PLXNB1: variants seen among roughly 807,000 people sequenced by gnomAD.
PLXNB1 encodes the protein plexin B1.
Under a neutral mutation model 209.4 loss-of-function variants are expected in PLXNB1, and 106 were observed. That is an observed-to-expected ratio of 0.51 (90% CI 0.43 to 0.59). The LOEUF (loss-of-function observed/expected upper bound fraction) is 0.59, where lower values mean the gene tolerates loss of function less well. PLXNB1 is among the 20% of genes least tolerant of loss of function. PLXNB1 has a pLI of 0.00. For synonymous variants in PLXNB1, 1,167 were observed against 1,183.2 expected (o/e 0.99, Z 0.28); for missense variants, 2,357 against 2,853.2 (o/e 0.83, Z 3.96).
chr3:48,406,789 T>C lies in PLXNB1; in HGVS notation c.6228+34A>G, dbSNP rs778699581. ...GGAAGGACCGTTGTGGCAGGAGGCC[T>C]ATGCCCAACCCAAGAAGCAGAGGGA... On this transcript the variant is annotated intron_variant, in intron 36 of 37. Transcript: ENST00000296440. This position sits in a 1 kb window ranked among gnomAD's most constrained non-coding sequence, Gnocchi z 4.4. The C allele has an allele frequency of 4.8e-5, 74 of 1,556,970 alleles. 1 individual carries two copies. The highest frequency in any genetic ancestry group is 6.0e-5 in the Non-Finnish European group (69 of 1,152,392).
chr3:48,412,661 G>T (rs763861179), intron 25 of PLXNB1, 41 bp from the exon 26 acceptor site: 6 of 1,607,314 alleles, frequency 3.7e-6, no homozygotes, highest in Non-Finnish European at 5.1e-6. Context: ...GGTTTAGGGG[G>T]ACAGAGGGGC....
Position 48,405,117 on chromosome 3 carries a change from C to T in PLXNB1, c.6304-527G>A, listed in dbSNP as rs562746766. 8.5e-5 allele frequency among the ~76,000 whole-genome samples: 13 copies of T among 152,322 alleles called. No homozygotes were observed. The South Asian group carries it at 1.9e-3, about 22-fold the overall frequency. On this transcript the variant is annotated intron_variant, in intron 37 of 37. Coordinates refer to ENST00000296440, the MANE Select transcript of PLXNB1 (RefSeq NM_001130082.3). The surrounding 1 kb of genome is among the most constrained non-coding windows in gnomAD (Gnocchi z 5.0). The stretch of plus-strand genomic sequence containing the variant: ...ATCACACCCTGCCTCCCCCAAGCCC[C>T]GTGCCATGGCCCACACCATGCCGAG...
chr3:48,429,017 C>G lies in PLXNB1; in HGVS notation c.-60+991G>C, dbSNP rs1049959355. 2.0e-5 allele frequency among the ~76,000 whole-genome samples: 3 copies of G among 152,190 alleles called. No homozygotes were observed. The highest frequency in any genetic ancestry group is 4.4e-5 in the Non-Finnish European group (3 of 68,010). ...GGGGAAGGGGCCGGCCGGTCCCCGG[C>G]GGCGACGGCGAGGAGGGGGCGCGGA... On this transcript the variant is annotated intron_variant, in intron 1 of 37. Coordinates refer to ENST00000296440, the MANE Select transcript of PLXNB1 (RefSeq NM_001130082.3). This position sits in a 1 kb window ranked among gnomAD's most constrained non-coding sequence, Gnocchi z 6.4.
At position 48,415,010 on chromosome 3, in the gene PLXNB1, T is replaced by C; in HGVS notation, c.3998A>G (p.Gln1333Arg). 1 of 1,613,438 alleles carries C rather than the reference T, an allele frequency of 6.2e-7. No individual in the cohort carries two copies. Among genetic ancestry groups the C allele is most frequent in the Non-Finnish European group, 8.5e-7 (1 of 1,179,980 alleles). ...FEEPCHVNSS[Q>R]LITCRTPALP... ...GGCAGGTGTGCGGCACGTGATGAGC[T>C]GGGAGGAGTTGACATGGCACGGCTC... The change falls in exon 21 of 38, where the codon CAG becomes CGG. Residue 1333 changes from glutamine (Q) to arginine (R), a missense_variant. Coordinates refer to ENST00000296440, the MANE Select transcript of PLXNB1 (RefSeq NM_001130082.3). This position sits in a 1 kb window ranked among gnomAD's most constrained non-coding sequence, Gnocchi z 5.0.
chr3:48,424,758 A>C, intron 2 of PLXNB1, 141 bp from the exon 3 acceptor site: 1 of 821,346 alleles, frequency 1.2e-6, no homozygotes, highest in South Asian at 1.8e-5. Context: ...CAGGCTTCTT[A>C]GATAGGCACT....
rs1198721889 is a variant in PLXNB1, at chr3:48,429,129, C to G, written c.-60+879G>C. 2.0e-5 allele frequency: 3 copies of G among 152,260 alleles called. No homozygotes were observed. The highest frequency in any genetic ancestry group is 7.2e-5 in the African/African-American group (3 of 41,474). 9.4% of individuals were successfully genotyped at this position (152,260 alleles called of 1,614,324 possible). ...TTCGCGCGGAGAAGTGTGGTCCCAA[C>G]TCTCAAAACCAAAGCCGCCCACCAC... On this transcript the variant is annotated intron_variant, in intron 1 of 37. Coordinates refer to ENST00000296440, the MANE Select transcript of PLXNB1 (RefSeq NM_001130082.3). The surrounding 1 kb of genome is among the most constrained non-coding windows in gnomAD (Gnocchi z 6.4).
rs1302215027 is a variant in PLXNB1 at position 48,409,070 on chromosome 3, G to A, written c.6087+259C>T. Among the ~76,000 whole-genome samples, 1 of 152,134 alleles carries A rather than the reference G, an allele frequency of 6.6e-6. No homozygotes were observed. Among genetic ancestry groups the A allele is most frequent in the African/African-American group, 2.4e-5 (1 of 41,428 alleles). On this transcript the variant is annotated intron_variant, in intron 34 of 37. Transcript: ENST00000296440. The surrounding 1 kb of genome is among the most constrained non-coding windows in gnomAD (Gnocchi z 5.8). ...CCAACTGGCCCTGGCCTACTGCCAC[G>A]CCTGGCCAGCATTCTATGCCCCAGC...
chr3:48,412,965 A>G lies in PLXNB1; in HGVS notation c.4637-6T>C. On this transcript the variant is annotated splice_polypyrimidine_tract_variant and splice_region_variant and intron_variant, in intron 24 of 37. Coordinates refer to ENST00000296440, the MANE Select transcript of PLXNB1 (RefSeq NM_001130082.3). ...GGTCATCTCAGTCATGAGGTCTGTTAAGCAGAAGAGGCCAGGTTAAGCACC... is the reference window on the plus strand; with the variant it reads ...GGTCATCTCAGTCATGAGGTCTGTTGAGCAGAAGAGGCCAGGTTAAGCACC... 6.2e-7 allele frequency: 1 copy of G among 1,613,846 alleles called. No individual in the cohort carries two copies. Among genetic ancestry groups the G allele is most frequent in the East Asian group, 2.2e-5 (1 of 44,886 alleles).
At position 48,419,586 on chromosome 3, in the gene PLXNB1, G is replaced by A; in HGVS notation, c.2700C>T (p.Leu900=). The A allele has an allele frequency of 6.2e-7, 1 of 1,605,012 alleles. No homozygotes were observed. The highest frequency in any genetic ancestry group is 1.3e-5 in the African/African-American group (1 of 74,896). The change falls in exon 11 of 38, where the codon CTC becomes CTT. Residue 900 remains leucine, a synonymous_variant. Transcript: ENST00000296440. The surrounding 1 kb of genome is among the most constrained non-coding windows in gnomAD (Gnocchi z 5.7). The part of the protein sequence containing the change: ...SLDYQYDTPG[L]WELEEATLGA... ...CTGGGCTGGGCCTCACCAGCTCCCA[G>A]AGCCCGGGGGTGTCATACTGGTAGT...
Position 48,423,810 on chromosome 3 carries a change from A to C in PLXNB1, c.802T>G (p.Cys268Gly). ...YYSYVELPLA[C>G]EGGRYGLIQA... The stretch of plus-strand genomic sequence containing the variant: ...ATCAGCCCGTAGCGGCCACCTTCGC[A>C]GGCCAGAGGCAACTCCACATAGGAG... The change falls in exon 3 of 38, where the codon TGC (cysteine) becomes GGC (glycine). Residue 268 changes from cysteine to glycine, a missense_variant. Cys to Gly is a radical substitution (Grantham distance 159). Transcript: ENST00000296440. 2 of 1,613,972 alleles carry C rather than the reference A, an allele frequency of 1.2e-6. No individual in the cohort carries two copies. Among genetic ancestry groups the C allele is most frequent in the Non-Finnish European group, 1.7e-6 (2 of 1,179,986 alleles).
At position 48,405,681 on chromosome 3, in the gene PLXNB1, G is replaced by A; in HGVS notation, c.6303+43C>T. 1.3e-6 allele frequency: 2 copies of A among 1,493,988 alleles called. No individual in the cohort carries two copies. The highest frequency in any genetic ancestry group is 1.9e-6 in the Non-Finnish European group (2 of 1,074,530). 92.5% of individuals were successfully genotyped at this position (1,493,988 alleles called of 1,614,324 possible). ...TCAGAGCCCCTTAAGTCTCCTGGGA[G>A]GCCTTGGGTCAGCCTCCCAGTCGGG... On this transcript the variant is annotated intron_variant, in intron 37 of 37. Transcript: ENST00000296440. The surrounding 1 kb of genome is among the most constrained non-coding windows in gnomAD (Gnocchi z 5.0).
At position 48,416,391 on chromosome 3, in the gene PLXNB1, C is replaced by G. The variant is rs1156884381; in HGVS notation, c.3435G>C (p.Val1145=). 5 of 1,613,094 alleles carry G rather than the reference C, an allele frequency of 3.1e-6. No individual in the cohort carries two copies. The highest frequency in any genetic ancestry group is 4.2e-6 in the Non-Finnish European group (5 of 1,179,924). Residue 1145 remains valine (V), a synonymous_variant, in exon 17 of 38, where the codon GTG becomes GTC. Coordinates refer to ENST00000296440, the MANE Select transcript of PLXNB1 (RefSeq NM_001130082.3). This position sits in a 1 kb window ranked among gnomAD's most constrained non-coding sequence, Gnocchi z 4.1. The part of the protein sequence containing the change: ...EEVAGATAVE[V]PGRGRGVSEH... ...CTGAGACACCACGTCCTCTTCCCGG[C>G]ACCTCCACCGCTGTGGCGCCGGCCA...
At position 48,418,482 on chromosome 3, in the gene PLXNB1, G is replaced by T. The variant is rs777825603; in HGVS notation, c.3016C>A (p.Arg1006Ser). The T allele has an allele frequency of 1.9e-6, 3 of 1,612,752 alleles. No individual in the cohort carries two copies. The highest frequency in any genetic ancestry group is 2.5e-6 in the Non-Finnish European group (3 of 1,179,580). Residue 1006 changes from arginine to serine, a missense_variant, in exon 14 of 38, where the codon CGT (arginine) becomes AGT (serine). Coordinates refer to ENST00000296440, the MANE Select transcript of PLXNB1 (RefSeq NM_001130082.3). The surrounding 1 kb of genome is among the most constrained non-coding windows in gnomAD (Gnocchi z 6.6). The stretch of plus-strand genomic sequence containing the variant: ...CCCTCAGCACTGTCCACACGCAGAC[G>T]GCCGGCCCGACGCAGAAACAGCCCC... ...RVGLFLRRAG[R>S]LRVDSAEGLH...
rs1242694992 is a variant in PLXNB1, at chr3:48,415,254, G to C, written c.3888C>G (p.Pro1296=). ...GACGCCTCCGTCCAAGCCCCTGGCTGGGCTGCAGCATTCTCGAGACCACGG... is the reference window on the plus strand; with the variant it reads ...GACGCCTCCGTCCAAGCCCCTGGCTCGGCTGCAGCATTCTCGAGACCACGG... ...RVTVVSRMLQ[P]SQGLGRRRRV... The change falls in exon 20 of 38, where the codon CCC becomes CCG. Residue 1296 remains proline (P), a synonymous_variant. Transcript: ENST00000296440. This position sits in a 1 kb window ranked among gnomAD's most constrained non-coding sequence, Gnocchi z 5.0. 2 of 1,613,556 alleles carry C rather than the reference G, an allele frequency of 1.2e-6. No individual in the cohort carries two copies. The highest frequency in any genetic ancestry group is 4.5e-5 in the East Asian group (2 of 44,882).
chr3:48,425,070 G>C (rs1019721989), intron 2 of PLXNB1, among the ~76,000 whole-genome samples: 3 of 152,214 alleles, frequency 2.0e-5, no homozygotes, highest in African/African-American at 7.2e-5. Flanking sequence ...TGAACCAGCA[G>C]AATGTTAGAA....
intron 1 of PLXNB1, among the ~76,000 whole-genome samples, chr3:48,428,656 T>A (rs1329802015): frequency 3.3e-5 from 5 of 151,718 alleles, no homozygotes; most frequent in Admixed American, 6.6e-5. Context: ...ACTACAGAGG[T>A]GAGTTATTCA....
rs1393266305 is a variant in PLXNB1, at chr3:48,417,902, C to A, written c.3374+9G>T. 1.9e-6 allele frequency: 3 copies of A among 1,603,704 alleles called. No individual in the cohort carries two copies. The South Asian group carries it at 3.3e-5, about 18-fold the overall frequency. ...TGCGCCGTGCTCCTGCTGGGTGCAGCCAGCTTACCTGCTGGAGACCTCGTA... is the reference window on the plus strand; with the variant it reads ...TGCGCCGTGCTCCTGCTGGGTGCAGACAGCTTACCTGCTGGAGACCTCGTA... On this transcript the variant is annotated intron_variant, in intron 16 of 37. Coordinates refer to ENST00000296440, the MANE Select transcript of PLXNB1 (RefSeq NM_001130082.3). This position sits in a 1 kb window ranked among gnomAD's most constrained non-coding sequence, Gnocchi z 4.4.
intron 6 of PLXNB1, 103 bp downstream of exon 6, chr3:48,422,002 G>A: frequency 3.1e-6 from 4 of 1,292,262 alleles, no homozygotes; most frequent in East Asian, 2.3e-5. Flanking sequence ...TGGGGATCAG[G>A]GGTTGAGAGT....
intron 9 of PLXNB1, 35 bp from the exon 10 acceptor site, chr3:48,420,808 A>G: frequency 6.2e-7 from 1 of 1,612,224 alleles, no homozygotes; most frequent in Non-Finnish European, 8.5e-7. Flanking sequence ...AAGGGTCGCC[A>G]CAGGGAAGCC....
Sources: allele counts gnomAD v4.1 joint callset (sites outside exome capture counted in the v4.1 genomes callset), GRCh38; gene constraint gnomAD v4.1.1; non-coding constraint Gnocchi (gnomAD v3.1); transcripts MANE v1.5; gene names NCBI Gene and HGNC (gene_info 2026-07-23, HGNC 2026-07-21).